The following IL20RA variants were observed in gnomAD, a reference collection of about 807,000 sequenced individuals.
IL20RA encodes interleukin-20 receptor subunit alpha.
A neutral mutation model predicts 36.5 loss-of-function variants in IL20RA; 29 were observed. That is an observed-to-expected ratio of 0.79 (90% CI 0.59 to 1.08). IL20RA has a LOEUF of 1.08. IL20RA is among the 50% of genes least tolerant of loss of function. The pLI is 0.00. For synonymous variants in IL20RA, 279 were observed against 267.1 expected, an observed-to-expected ratio of 1.04 and a Z score of -0.43; for missense variants, 652 against 668.4, an observed-to-expected ratio of 0.98 and a Z score of 0.27.
chr6:137,026,922 C>T (rs1776107977), intron 1 of IL20RA, among the ~76,000 whole-genome samples: 1 of 151,760 alleles, frequency 6.6e-6, no homozygotes, highest in Non-Finnish European at 1.5e-5. Context: ...ACTCTTGTTG[C>T]CCAGGCTGGA....
At position 137,028,155 on chromosome 6, in the gene IL20RA, C is replaced by T. The variant is rs546338452; in HGVS notation, c.89-11052G>A. On this transcript the variant is annotated intron_variant, in intron 1 of 6. Coordinates refer to ENST00000316649, the MANE Select transcript of IL20RA (RefSeq NM_014432.4). ...CAGAAGGGCTGGGCACAGTGGCTCA[C>T]GCCTATAATCCTAGCACTCTGGGAG... is the stretch of plus-strand genomic sequence containing the variant. Among the ~76,000 whole-genome samples the T allele has an allele frequency of 1.1e-3, 167 of 152,084 alleles. 1 individual carries two copies. Among genetic ancestry groups the T allele is most frequent in the Admixed American group, 2.2e-3 (34 of 15,260 alleles).
intron 5 of IL20RA, among the ~76,000 whole-genome samples, chr6:137,006,621 T>C (rs1428663447): frequency 6.6e-6 from 1 of 152,174 alleles, no homozygotes; most frequent in Non-Finnish European, 1.5e-5. Context: ...AGAAAGCAGG[T>C]CCTCACACCA....
chr6:137,041,974 C>A (rs536371171), intron 1 of IL20RA, among the ~76,000 whole-genome samples: 10 of 152,264 alleles, frequency 6.6e-5, no homozygotes, highest in South Asian at 4.2e-4. Context: ...GCCCCCACCC[C>A]CCGACAGGCT....
intron 1 of IL20RA, among the ~76,000 whole-genome samples, chr6:137,018,271 C>T (rs1437407082): frequency 2.6e-5 from 4 of 152,008 alleles, no homozygotes; most frequent in Non-Finnish European, 5.9e-5. Context: ...TAGTTCTATA[C>T]AATGTATTGT....
chr6:137,035,001 G>GTTA (rs1160159664), intron 1 of IL20RA, among the ~76,000 whole-genome samples: 43 of 151,298 alleles, frequency 2.8e-4, no homozygotes, highest in African/African-American at 1.0e-3. Flanking sequence ...CTGTTCTTGT[G>GTTA]TTAGTTTGCT....
chr6:137,011,448 C>T lies in IL20RA; in HGVS notation c.229G>A (p.Gly77Arg), dbSNP rs756206874. ...VTYTVQYFIY[G>R]QKKWLNKSEC... The stretch of plus-strand genomic sequence containing the variant: ...GATTTATTCAGCCATTTCTTTTGCC[C>T]ATATCTGCTAAGAAAGAAGCTGAAT... Residue 77 changes from glycine to arginine, a missense_variant, in exon 3 of 7, where the codon GGG (glycine) becomes AGG (arginine). Transcript: ENST00000316649. 6.2e-7 allele frequency: 1 copy of T among 1,608,148 alleles called. No homozygotes were observed. Among genetic ancestry groups the T allele is most frequent in the Admixed American group, 1.7e-5 (1 of 59,662 alleles).
intron 1 of IL20RA, among the ~76,000 whole-genome samples, chr6:137,023,454 A>G (rs76995434): frequency 0.012 from 1,774 of 152,344 alleles, 39 homozygotes; most frequent in African/African-American, 0.041. Flanking sequence ...GAAAGTATTG[A>G]ATCCTTTGCT....
At position 137,001,785 on chromosome 6, in the gene IL20RA, G is replaced by C; in HGVS notation, c.1435C>G (p.Leu479Val). 5 of 1,613,058 alleles carry C rather than the reference G, an allele frequency of 3.1e-6. No individual in the cohort carries two copies. The highest frequency in any genetic ancestry group is 4.2e-6 in the Non-Finnish European group (5 of 1,179,282). Residue 479 changes from leucine (L) to valine (V), a missense_variant, in exon 7 of 7, where the codon CTG becomes GTG. Transcript: ENST00000316649. ...EGPEEEPSTT[L>V]VDWDPQTGRL... Reference sequence around the variant, plus strand: ...CCAGTTTGGGGATCCCAGTCGACCAGGGTCGTCGATGGCTCTTCCTCCGGC... The same window carrying C: ...CCAGTTTGGGGATCCCAGTCGACCACGGTCGTCGATGGCTCTTCCTCCGGC...
At chr6:137,016,217 A>G (rs413798) in intron 2 of IL20RA, among the ~76,000 whole-genome samples, 124,740 of 152,086 alleles carry the variant, frequency 0.82, 56,537 homozygotes, top group East Asian at 1. Flanking sequence ...TTTCAGTTTC[A>G]CCACCTCTGA....
At chr6:137,044,425 C>A in intron 1 of IL20RA, 1 of 965,668 alleles carries the variant, frequency 1.0e-6, no homozygotes, top group Non-Finnish European at 1.3e-6. Context: ...CAAACTTGAC[C>A]CCGAGCCAAG....
chr6:137,009,141 T>G (rs1415523727), intron 4 of IL20RA, 176 bp downstream of exon 4: 1 of 645,208 alleles, frequency 1.5e-6, no homozygotes, highest in Non-Finnish European at 2.8e-6. Flanking sequence ...GTAAAGAAGA[T>G]CTGAAGTTAG....
intron 1 of IL20RA, among the ~76,000 whole-genome samples, chr6:137,040,978 A>G (rs1400789394): frequency 6.6e-6 from 1 of 152,252 alleles, no homozygotes; most frequent in African/African-American, 2.4e-5. Context: ...TGAAGAGACC[A>G]CCTTAACCAA....
chr6:137,031,748 G>T (rs1331524893), intron 1 of IL20RA, among the ~76,000 whole-genome samples: 1 of 151,496 alleles, frequency 6.6e-6, no homozygotes, highest in Non-Finnish European at 1.5e-5. Context: ...TCAAGAAAAT[G>T]AAAGAGGATG....
chr6:137,005,652 GT>G (rs1222509299), intron 5 of IL20RA, among the ~76,000 whole-genome samples: 1 of 151,980 alleles, frequency 6.6e-6, no homozygotes, highest in African/African-American at 2.4e-5. Flanking sequence ...GGTTTTTGTT[GT>G]TGTTGTTGTT....
At chr6:137,016,548 G>A (rs551571306) in intron 2 of IL20RA, among the ~76,000 whole-genome samples, 1 of 152,084 alleles carries the variant, frequency 6.6e-6, no homozygotes, top group Admixed American at 6.6e-5. Flanking sequence ...CTTGCAATGA[G>A]TTTTGAGGGC....
chr6:137,001,844 GGGTCTA>G lies in IL20RA; in HGVS notation c.1370_1375del (p.Leu457_Pro459delinsSer), dbSNP rs1394634741. 3 of 1,613,462 alleles carry G rather than the reference GGGTCTA, an allele frequency of 1.9e-6. No homozygotes were observed. The highest frequency in any genetic ancestry group is 2.5e-6 in the Non-Finnish European group (3 of 1,179,712). On this transcript the variant is annotated inframe_deletion, in exon 7 of 7. Coordinates refer to ENST00000316649, the MANE Select transcript of IL20RA (RefSeq NM_014432.4). ...CGAGTCTGTGTGCTCCTGCGCCAGG[GGGTCTA>G]AGTCTTGGAGCTGAGGGGTGTATGA...
Position 137,044,962 on chromosome 6 carries a change from G to C in IL20RA, c.-234C>G, listed in dbSNP as rs761879696. ...CGCGCGCTCCCCCGGCTACCCAGCT[G>C]GATGGCAGCGCGAGGGCAGTTCTCG... On this transcript the variant is annotated 5_prime_UTR_variant, in exon 1 of 7. Transcript: ENST00000316649. 6.1e-6 allele frequency: 2 copies of C among 327,070 alleles called. No homozygotes were observed. The highest frequency in any genetic ancestry group is 5.0e-5 in the Admixed American group (1 of 20,104). 20.3% of individuals were successfully genotyped at this position (327,070 alleles called of 1,614,324 possible). A position where few individuals can be genotyped will look rare whatever the true frequency, so the allele number is the denominator to read the frequency against.
chr6:137,025,438 A>C (rs1010156167), intron 1 of IL20RA, among the ~76,000 whole-genome samples: 1 of 152,236 alleles, frequency 6.6e-6, no homozygotes, highest in Non-Finnish European at 1.5e-5. Context: ...GAAGTGTCAG[A>C]AATAAACTTC....
In IL20RA at chr6:137,001,875, A is replaced by G. The variant is rs1328699852; in HGVS notation, c.1345T>C (p.Ser449Pro). 6.2e-7 allele frequency: 1 copy of G among 1,613,638 alleles called. No individual in the cohort carries two copies. Among genetic ancestry groups the G allele is most frequent in the Non-Finnish European group, 8.5e-7 (1 of 1,179,806 alleles). The change falls in exon 7 of 7, where the codon TCA becomes CCA. Residue 449 changes from serine (S) to proline (P), a missense_variant. Ser to Pro is a moderately conservative substitution (Grantham distance 74). Coordinates refer to ENST00000316649, the MANE Select transcript of IL20RA (RefSeq NM_014432.4). Reference sequence around the variant, plus strand: ...AAGTCTTGGAGCTGAGGGGTGTATGAGTACTGTAACGTTTGCGGGCCCAAG... The same window carrying G: ...AAGTCTTGGAGCTGAGGGGTGTATGGGTACTGTAACGTTTGCGGGCCCAAG... ...AVLGPQTLQY[S>P]YTPQLQDLDP...
Sources: allele counts gnomAD v4.1 joint callset (sites outside exome capture counted in the v4.1 genomes callset), GRCh38; gene constraint gnomAD v4.1.1; transcripts MANE v1.5; gene names NCBI Gene and HGNC (gene_info 2026-07-23, HGNC 2026-07-21).